The following ROBO2 variants were observed in gnomAD, a reference collection of about 807,000 sequenced individuals.
The protein encoded by ROBO2 is roundabout homolog 2.
Under a neutral mutation model 160.8 loss-of-function variants are expected in ROBO2, and 53 were observed. That is an observed-to-expected ratio of 0.33 (90% CI 0.26 to 0.41). The LOEUF (loss-of-function observed/expected upper bound fraction) is 0.41. Among genes scored for constraint, ROBO2 ranks in the 10% least tolerant of loss-of-function variants. The pLI is 1.00. For missense variants in ROBO2, 1,577 were observed against 1,722.4 expected (o/e 0.92, Z 1.49); for synonymous variants, 664 against 611.7 (o/e 1.09, Z -1.26).
chr3:77,481,085 T>C lies in ROBO2; in HGVS notation c.547-14T>C. ...TTTCTTCCCTTCTCTTTTCTTTTTG[T>C]TTGATTTTAACAGATCCGTGGTGGA... On this transcript the variant is annotated splice_polypyrimidine_tract_variant and intron_variant, in intron 3 of 25. Transcript: ENST00000461745. The C allele has an allele frequency of 6.2e-7, 1 of 1,608,440 alleles. No homozygotes were observed. The highest frequency in any genetic ancestry group is 8.5e-7 in the Non-Finnish European group (1 of 1,175,522).
intron 2 of ROBO2, among the ~76,000 whole-genome samples, chr3:77,438,320 G>A (rs1233773903): frequency 4.6e-5 from 7 of 151,862 alleles, no homozygotes; most frequent in African/African-American, 1.2e-4. Flanking sequence ...AAGAGGACTA[G>A]CAATTGTCCA....
At chr3:76,667,861 C>T (rs2092113060) in intron 2 of ROBO2, among the ~76,000 whole-genome samples, 1 of 151,732 alleles carries the variant, frequency 6.6e-6, no homozygotes, top group Admixed American at 6.6e-5. Context: ...AAATATTCTA[C>T]AGCATGATTT....
chr3:77,244,555 G>T (rs1219546980), intron 2 of ROBO2, among the ~76,000 whole-genome samples: 1 of 152,130 alleles, frequency 6.6e-6, no homozygotes, highest in East Asian at 1.9e-4. Context: ...CCTACCCTTA[G>T]TTCCAGATAT....
At chr3:77,553,246 G>T (rs1257754214) in intron 8 of ROBO2, among the ~76,000 whole-genome samples, 1 of 151,780 alleles carries the variant, frequency 6.6e-6, no homozygotes, top group Non-Finnish European at 1.5e-5. Flanking sequence ...ATTTTTGGGG[G>T]GTATCACAAA....
At chr3:76,025,372 A>G (rs2066708967) in intron 2 of ROBO2, among the ~76,000 whole-genome samples, 1 of 151,682 alleles carries the variant, frequency 6.6e-6, no homozygotes, top group South Asian at 2.1e-4. Context: ...AAGGGGAGAG[A>G]TTGATTTTGA....
intron 5 of ROBO2, among the ~76,000 whole-genome samples, chr3:77,516,459 A>AT (rs1282586548): frequency 6.6e-6 from 1 of 151,654 alleles, no homozygotes; most frequent in Non-Finnish European, 1.5e-5. Flanking sequence ...ATGAGCTTAT[A>AT]TATTTGAAAG....
chr3:75,959,749 A>G (rs1185433920), intron 2 of ROBO2, among the ~76,000 whole-genome samples: 1 of 151,788 alleles, frequency 6.6e-6, no homozygotes, highest in African/African-American at 2.4e-5. Flanking sequence ...TCTCAATAAT[A>G]TTTTAAAGTT....
chr3:77,155,037 A>C (rs2150561725), intron 2 of ROBO2, among the ~76,000 whole-genome samples: 1 of 151,938 alleles, frequency 6.6e-6, no homozygotes, highest in Admixed American at 6.6e-5. Context: ...ATAAATATTC[A>C]TTTTTAAATT....
chr3:76,838,213 G>A (rs2067887525), intron 2 of ROBO2, among the ~76,000 whole-genome samples: 1 of 151,996 alleles, frequency 6.6e-6, no homozygotes, highest in African/African-American at 2.4e-5. Context: ...GAAAACAACA[G>A]ACACTGGGGT....
Position 76,639,619 on chromosome 3 carries a change from C to G in ROBO2, c.110-458395C>G, listed in dbSNP as rs147986449. 9.2e-5 allele frequency among the ~76,000 whole-genome samples: 14 copies of G among 152,166 alleles called. No individual in the cohort carries two copies. In the East Asian group the frequency reaches 1.4e-3, roughly 15 times the overall value. On this transcript the variant is annotated intron_variant, in intron 2 of 26. Coordinates refer to the ROBO2 transcript ENST00000487694. ...CTAACAGACCTTTAAAAAGTACACA[C>G]TTCAATTTTAAGGGGGAAACAAGGC...
At chr3:76,484,307 C>G (rs1166584197) in intron 2 of ROBO2, among the ~76,000 whole-genome samples, 1 of 152,094 alleles carries the variant, frequency 6.6e-6, no homozygotes, top group African/African-American at 2.4e-5. Context: ...GTTGGTAGGG[C>G]TACATCTTCT....
At chr3:76,597,700 C>G (rs1017405853) in intron 2 of ROBO2, among the ~76,000 whole-genome samples, 2 of 151,580 alleles carry the variant, frequency 1.3e-5, no homozygotes, top group African/African-American at 4.8e-5. Flanking sequence ...CTCCCACCCT[C>G]CCCGCTTAAG....
rs563900729 is a variant in ROBO2, at chr3:77,515,998, A to G, written c.807-6777A>G. On this transcript the variant is annotated intron_variant, in intron 5 of 25. Transcript: ENST00000461745. ...TATTGCATAATAAAAGAGTATTTTTATCTATTATCATAGAGGTACTTTATT... is the reference window on the plus strand; with the variant it reads ...TATTGCATAATAAAAGAGTATTTTTGTCTATTATCATAGAGGTACTTTATT... 4.6e-5 allele frequency among the ~76,000 whole-genome samples: 7 copies of G among 151,618 alleles called. No individual in the cohort carries two copies. In the South Asian group the frequency reaches 1.5e-3, roughly 31 times the overall value.
At chr3:77,582,966 C>A (rs1385066745) in intron 16 of ROBO2, among the ~76,000 whole-genome samples, 1 of 151,612 alleles carries the variant, frequency 6.6e-6, no homozygotes, top group Non-Finnish European at 1.5e-5. Flanking sequence ...ATGGTGAAAC[C>A]CCATCTCTAG....
intron 2 of ROBO2, among the ~76,000 whole-genome samples, chr3:76,364,489 A>G (rs1345442027): frequency 6.6e-6 from 1 of 152,034 alleles, no homozygotes; most frequent in African/African-American, 2.4e-5. Context: ...GGTACTCAAT[A>G]TATACTAGTT....
chr3:76,105,196 A>C (rs1229697514), intron 2 of ROBO2, among the ~76,000 whole-genome samples: 9 of 152,134 alleles, frequency 5.9e-5, no homozygotes, highest in African/African-American at 1.2e-4. Flanking sequence ...AAAAAAAAAA[A>C]CACTATTCTG....
At chr3:76,087,211 C>G (rs1483125836) in intron 2 of ROBO2, among the ~76,000 whole-genome samples, 3 of 151,614 alleles carry the variant, frequency 2.0e-5, no homozygotes, top group African/African-American at 7.3e-5. Context: ...TGCATGTAGG[C>G]ATATTATACT....
intron 3 of ROBO2, among the ~76,000 whole-genome samples, chr3:77,480,696 C>T (rs746261): frequency 0.11 from 16,292 of 152,084 alleles, 1,114 homozygotes; most frequent in South Asian, 0.21. Flanking sequence ...GATATATATA[C>T]TTTCTGAATC....
chr3:76,021,250 T>C (rs188503640), intron 2 of ROBO2, among the ~76,000 whole-genome samples: 2 of 151,800 alleles, frequency 1.3e-5, no homozygotes, highest in African/African-American at 2.4e-5. Flanking sequence ...ATGATCATAT[T>C]GCCATCATAG....
Sources: gnomAD v4.1 joint callset for allele counts (sites outside exome capture counted in the v4.1 genomes callset) on GRCh38, gnomAD v4.1.1 for gene constraint, MANE v1.5 for transcripts, NCBI Gene and HGNC (gene_info 2026-07-23, HGNC 2026-07-21) for gene names.